FGF1: variants seen among roughly 807,000 people sequenced by gnomAD.
FGF1 encodes the protein fibroblast growth factor 1.
In FGF1, 9 loss-of-function variants were observed where a neutral mutation model predicts 13.4. That is an observed-to-expected ratio of 0.67 (90% CI 0.40 to 1.17). The LOEUF is 1.17. Ranked by LOEUF, FGF1 falls within the 50% of genes most tolerant of loss-of-function variation. The pLI, the probability that FGF1 is intolerant of heterozygous loss-of-function variation, is 0.01. For synonymous variants in FGF1, 93 were observed against 79.0 expected (o/e 1.18, Z -0.94); for missense variants, 156 against 192.7 (o/e 0.81, Z 1.13).
intron 1 of FGF1, among the ~76,000 whole-genome samples, chr5:142,639,725 C>CCA (rs1764846246): frequency 6.6e-6 from 1 of 151,678 alleles, no homozygotes; most frequent in East Asian, 1.9e-4. Flanking sequence ...CATGTTTTCA[C>CCA]CACACACACA....
chr5:142,661,005 AAG>A lies in FGF1; in HGVS notation c.-35+24950_-35+24951del, dbSNP rs553962712. Among the ~76,000 whole-genome samples, 17 of 152,352 alleles carry A rather than the reference AAG, an allele frequency of 1.1e-4. 1 individual carries two copies. In the East Asian group the frequency reaches 3.3e-3, roughly 29 times the overall value. ...ATGGTTTAAAGGCAGGATATGTGGT[AAG>A]AGGGGGAAAATGCATTGCTTCATAT... On this transcript the variant is annotated intron_variant, in intron 1 of 3. Transcript: ENST00000337706.
chr5:142,644,921 C>T (rs1765766259), intron 1 of FGF1, among the ~76,000 whole-genome samples: 1 of 152,236 alleles, frequency 6.6e-6, no homozygotes, highest in Admixed American at 6.5e-5. Context: ...AACCAGTTAA[C>T]TCGCCAGCTT....
In FGF1 at chr5:142,696,253, T is replaced by C. The variant is rs984384876; in HGVS notation, c.-35+1369A>G. On this transcript the variant is annotated intron_variant, in intron 2 of 4. Coordinates refer to the FGF1 transcript ENST00000407758. ...ATGGCATGTAAGAGGGAGGAGCTGC[T>C]ATCAGATGAGCTTTGAGTCAATCTA... Among the ~76,000 whole-genome samples, 4 of 152,208 alleles carry C rather than the reference T, an allele frequency of 2.6e-5. No individual in the cohort carries two copies. The South Asian group carries it at 8.3e-4, about 32-fold the overall frequency.
At chr5:142,668,912 G>T (rs1011485651) in intron 1 of FGF1, among the ~76,000 whole-genome samples, 1 of 152,218 alleles carries the variant, frequency 6.6e-6, no homozygotes, top group Non-Finnish European at 1.5e-5. Flanking sequence ...GGGCTGAAGA[G>T]GAAGGGGTCA....
At chr5:142,679,597 T>G (rs1192444045) in intron 1 of FGF1, among the ~76,000 whole-genome samples, 1 of 152,232 alleles carries the variant, frequency 6.6e-6, no homozygotes, top group Admixed American at 6.5e-5. Flanking sequence ...GAACCTGACA[T>G]GGCCCTCAGT....
chr5:142,592,808 G>GT lies in FGF1; in HGVS notation c.*2481dup. Reference sequence around the variant, plus strand: ...TGATAGGGGTTTATTTTATGCTGGGGTTGCTGATTCTTCCAAAATCTGGGT... The same window carrying GT: ...TGATAGGGGTTTATTTTATGCTGGGGTTTGCTGATTCTTCCAAAATCTGGGT... On this transcript the variant is annotated 3_prime_UTR_variant, in exon 4 of 4. Transcript: ENST00000337706. The GT allele has an allele frequency of 5.4e-6, 1 of 184,734 alleles. No homozygotes were observed. Among genetic ancestry groups the GT allele is most frequent in the Non-Finnish European group, 1.1e-5 (1 of 90,092 alleles). The allele number at this position is 184,734 out of a possible 1,614,324, so 11.4% of individuals were successfully genotyped here.
At chr5:142,649,550 G>T (rs1055241518) in intron 1 of FGF1, among the ~76,000 whole-genome samples, 1 of 152,086 alleles carries the variant, frequency 6.6e-6, no homozygotes, top group Non-Finnish European at 1.5e-5. Context: ...GGGACTACAG[G>T]TGCCTGCCAC....
At chr5:142,597,551 A>C (rs980479523) in intron 3 of FGF1, among the ~76,000 whole-genome samples, 1 of 152,330 alleles carries the variant, frequency 6.6e-6, no homozygotes, top group South Asian at 2.1e-4. Context: ...TGAACTTTCT[A>C]TTCGTCAAGA....
chr5:142,629,893 A>ATTTT (rs1229121020), intron 1 of FGF1, among the ~76,000 whole-genome samples: 5 of 120,086 alleles, frequency 4.2e-5, no homozygotes, highest in Admixed American at 8.4e-5. Flanking sequence ...ATATATATAT[A>ATTTT]TATTTTTTTT....
chr5:142,681,759 T>C (rs1037966261), intron 1 of FGF1, among the ~76,000 whole-genome samples: 3 of 152,226 alleles, frequency 2.0e-5, no homozygotes, highest in Non-Finnish European at 2.9e-5. Flanking sequence ...TTGGTGGCTG[T>C]GTGACCTTAG....
At position 142,606,251 on chromosome 5, in the gene FGF1, G is replaced by GT. The variant is rs70991771; in HGVS notation, c.170-5447dup. Among the ~76,000 whole-genome samples, 209 of 86,952 alleles carry GT rather than the reference G, an allele frequency of 2.4e-3. 2 individuals carry two copies. In the East Asian group the frequency reaches 0.038, roughly 16 times the overall value. The allele number at this position is 86,952 out of a possible 152,430, so 57.0% of individuals were successfully genotyped here. A position where few individuals can be genotyped will look rare whatever the true frequency, so the allele number is the denominator to read the frequency against. On this transcript the variant is annotated intron_variant, in intron 2 of 3. Transcript: ENST00000337706. ...GTGTGTGTGTGTGTGTGTGTATGTA[G>GT]TTTTTTTTTTTAATCCCCTTTCAAA...
At chr5:142,640,736 T>C (rs1359510401) in intron 1 of FGF1, among the ~76,000 whole-genome samples, 1 of 151,994 alleles carries the variant, frequency 6.6e-6, no homozygotes, top group Non-Finnish European at 1.5e-5. Context: ...CCTGTCCTCA[T>C]CCCCACCAAA....
chr5:142,681,717 G>A (rs992299138), intron 1 of FGF1, among the ~76,000 whole-genome samples: 1 of 152,124 alleles, frequency 6.6e-6, no homozygotes, highest in African/African-American at 2.4e-5. Flanking sequence ...AGGCTCGCTG[G>A]ACAGCCTAGG....
At chr5:142,621,870 A>G (rs977307924) in intron 1 of FGF1, among the ~76,000 whole-genome samples, 8 of 150,448 alleles carry the variant, frequency 5.3e-5, no homozygotes, top group African/African-American at 2.0e-4. Flanking sequence ...TCTCTACCCT[A>G]CTCCCCTGGT....
intron 2 of FGF1, among the ~76,000 whole-genome samples, chr5:142,612,651 C>T (rs1057472583): frequency 6.6e-6 from 1 of 150,894 alleles, no homozygotes; most frequent in African/African-American, 2.4e-5. Context: ...ACCTGTTTTT[C>T]ACTGAGTATA....
At position 142,595,483 on chromosome 5, in the gene FGF1, T is replaced by C. The variant is rs1174301824; in HGVS notation, c.275A>G (p.Gln92Arg). 1.9e-6 allele frequency: 3 copies of C among 1,612,088 alleles called. No homozygotes were observed. The change falls in exon 4 of 4, where the codon CAG becomes CGG. Residue 92 changes from glutamine (Q) to arginine (R), a missense_variant and splice_region_variant. Physicochemically the swap from Gln to Arg is conservative, Grantham distance 43. Coordinates refer to ENST00000337706, the MANE Select transcript of FGF1 (RefSeq NM_000800.5). ...MDTDGLLYGS[Q>R]TPNEECLFLE... ...GAACAAACATTCCTCATTTGGTGTC[T>C]GCTAAAAAGATAAAACCAAAAGAGA...
At chr5:142,664,299 G>T (rs1459682480) in intron 1 of FGF1, among the ~76,000 whole-genome samples, 1 of 152,204 alleles carries the variant, frequency 6.6e-6, no homozygotes, top group East Asian at 1.9e-4. Context: ...GCAAGGCAGG[G>T]ATTTGGGCCC....
chr5:142,630,307 C>G (rs1389453386), intron 1 of FGF1, among the ~76,000 whole-genome samples: 1 of 152,082 alleles, frequency 6.6e-6, no homozygotes, highest in African/African-American at 2.4e-5. Flanking sequence ...GTCTGCTAAT[C>G]GAGCCCTTGG....
In FGF1 at chr5:142,614,162, C is replaced by T. The variant is rs1162458681; in HGVS notation, c.-34-1G>A. ...GCTGCTGCTTGTGGCGCTTTCAAGA[C>T]TGTAAGAAATTGAACAAACCTGTAG... On this transcript the variant is annotated splice_acceptor_variant, in intron 1 of 3. Coordinates refer to ENST00000337706, the MANE Select transcript of FGF1 (RefSeq NM_000800.5). LOFTEE classifies it low-confidence loss of function (5UTR_SPLICE). The T allele has an allele frequency of 6.2e-7, 1 of 1,611,758 alleles. No individual in the cohort carries two copies. Among genetic ancestry groups the T allele is most frequent in the East Asian group, 2.2e-5 (1 of 44,856 alleles).
Sources: allele counts gnomAD v4.1 joint callset (sites outside exome capture counted in the v4.1 genomes callset), GRCh38; gene constraint gnomAD v4.1.1; transcripts MANE v1.5; gene names NCBI Gene and HGNC (gene_info 2026-07-23, HGNC 2026-07-21).